The following KDM4C variants were observed in gnomAD, a reference collection of about 807,000 sequenced individuals.
KDM4C encodes lysine-specific demethylase 4C.
KDM4C carries 81 observed loss-of-function variants against 129.3 expected under a neutral mutation model. That is an observed-to-expected ratio of 0.63 (90% confidence interval 0.52 to 0.75). The LOEUF is 0.75. KDM4C is among the 30% of genes least tolerant of loss of function. The probability of loss-of-function intolerance (pLI) is 0.00; values close to 1 mark genes in which losing one functional copy is unlikely to be tolerated. For synonymous variants in KDM4C, 573 were observed against 456.1 expected (o/e 1.26, Z -3.26); for missense variants, 1,457 against 1,304.0 (o/e 1.12, Z -1.81).
Position 7,103,851 on chromosome 9 carries a change from A to G in KDM4C, c.2591A>G (p.His864Arg), listed in dbSNP as rs1341890911. ...PYVVNITCFRHKVNPNVKSKA... is the reference protein window; with the variant it reads ...PYVVNITCFRRKVNPNVKSKA... The stretch of plus-strand genomic sequence containing the variant: ...GTGGTGAACATTACATGCTTTCGAC[A>G]TAAGGTCAACCCCAACGTGGTAAGA... The change falls in exon 18 of 22, where the codon CAT becomes CGT. Residue 864 changes from histidine (H) to arginine (R), a missense_variant. Coordinates refer to ENST00000381309, the MANE Select transcript of KDM4C (RefSeq NM_015061.6). 6.2e-7 allele frequency: 1 copy of G among 1,613,950 alleles called. No individual in the cohort carries two copies. Among genetic ancestry groups the G allele is most frequent in the Non-Finnish European group, 8.5e-7 (1 of 1,179,890 alleles).
chr9:6,972,255 GTA>G (rs754692216), intron 8 of KDM4C, among the ~76,000 whole-genome samples: 8 of 150,876 alleles, frequency 5.3e-5, no homozygotes, highest in South Asian at 2.1e-4. Flanking sequence ...GTGTGTGTGT[GTA>G]TATATATATA....
intron 17 of KDM4C, among the ~76,000 whole-genome samples, chr9:7,096,581 A>G (rs577413284): frequency 2.0e-5 from 3 of 152,308 alleles, no homozygotes; most frequent in Admixed American, 2.0e-4. Flanking sequence ...GAAATACTAC[A>G]TATTCCCTAC....
chr9:6,980,869 G>C (rs1816650578), intron 8 of KDM4C, 56 bp from the exon 9 acceptor site: 8 of 1,470,614 alleles, frequency 5.4e-6, no homozygotes, highest in Non-Finnish European at 7.6e-6. Context: ...GACCAACTCT[G>C]TGTTACTGTA....
intron 8 of KDM4C, among the ~76,000 whole-genome samples, chr9:6,929,366 T>G (rs1823224506): frequency 6.6e-6 from 1 of 152,206 alleles, no homozygotes; most frequent in African/African-American, 2.4e-5. Context: ...CATTCCTCTT[T>G]TAATTGTGTT....
Position 6,760,440 on chromosome 9 carries a change from CTT to C in KDM4C, c.-18+2238_-18+2239del, listed in dbSNP as rs1226079184. On this transcript the variant is annotated intron_variant, in intron 1 of 21. Coordinates refer to ENST00000381309, the MANE Select transcript of KDM4C (RefSeq NM_015061.6). Reference sequence around the variant, plus strand: ...TGTGTGGACGCGTGTTTTCTCTACTCTTGGGTATATATATATATATATATAAT... The same window carrying C: ...TGTGTGGACGCGTGTTTTCTCTACTCGGGTATATATATATATATATATAAT... 8.9e-5 allele frequency among the ~76,000 whole-genome samples: 10 copies of C among 112,256 alleles called. No individual in the cohort carries two copies. In the Admixed American group the frequency reaches 9.0e-4, roughly 10 times the overall value. The allele number at this position is 112,256 out of a possible 152,430, so 73.6% of individuals were successfully genotyped here. A position where few individuals can be genotyped will look rare whatever the true frequency, so the allele number is the denominator to read the frequency against.
chr9:6,944,213 A>G (rs1236730364), intron 8 of KDM4C, among the ~76,000 whole-genome samples: 1 of 152,210 alleles, frequency 6.6e-6, no homozygotes, highest in Admixed American at 6.5e-5. Context: ...TATTGATTGA[A>G]CATCCTTGCA....
At chr9:7,025,108 T>TAC (rs1825589416) in intron 15 of KDM4C, among the ~76,000 whole-genome samples, 1 of 152,262 alleles carries the variant, frequency 6.6e-6, no homozygotes, top group African/African-American at 2.4e-5. Context: ...TATTATTATA[T>TAC]AGTGACCTTA....
At chr9:6,815,241 T>C (rs377444083) in intron 4 of KDM4C, 2 of 152,126 alleles carry the variant, frequency 1.3e-5, no homozygotes, top group African/African-American at 4.8e-5. Context: ...GCCATTTTAA[T>C]GGTGGCGTAA....
chr9:7,157,031 A>G (rs1176421764), intron 19 of KDM4C, among the ~76,000 whole-genome samples: 1 of 152,062 alleles, frequency 6.6e-6, no homozygotes, highest in Non-Finnish European at 1.5e-5. Flanking sequence ...TATTTTGTTG[A>G]GCAGTGGTTT....
intron 4 of KDM4C, chr9:6,835,445 C>T (rs1835709398): frequency 3.4e-6 from 4 of 1,193,080 alleles, no homozygotes; most frequent in African/African-American, 1.5e-5. Flanking sequence ...ATCATTGCTC[C>T]TCCTGAGCTC....
At chr9:6,799,695 A>G (rs1828559170) in intron 2 of KDM4C, among the ~76,000 whole-genome samples, 2 of 141,090 alleles carry the variant, frequency 1.4e-5, no homozygotes, top group Non-Finnish European at 3.1e-5. Flanking sequence ...TACACATAAT[A>G]TTAATTTTGA....
intron 17 of KDM4C, among the ~76,000 whole-genome samples, chr9:7,083,351 T>A (rs1314988499): frequency 6.6e-6 from 1 of 152,232 alleles, no homozygotes. Context: ...ATTTTGGACT[T>A]TGAACTTTTG....
chr9:7,079,997 C>G (rs561795605), intron 17 of KDM4C, among the ~76,000 whole-genome samples: 34 of 151,564 alleles, frequency 2.2e-4, no homozygotes, highest in African/African-American at 7.3e-4. Context: ...GGGCAAGTCT[C>G]AAAAGAGCAA....
chr9:6,891,776 C>G (rs1381574057), intron 7 of KDM4C, among the ~76,000 whole-genome samples: 2 of 152,198 alleles, frequency 1.3e-5, no homozygotes, highest in East Asian at 3.9e-4. Flanking sequence ...ATTACTGTTT[C>G]AGTCTCTTCT....
intron 1 of KDM4C, among the ~76,000 whole-genome samples, chr9:6,778,056 G>A (rs1466556981): frequency 2.0e-5 from 3 of 150,436 alleles, no homozygotes; most frequent in Admixed American, 6.6e-5. Flanking sequence ...GAGTGGCTGG[G>A]ACTACAGGCA....
intron 17 of KDM4C, among the ~76,000 whole-genome samples, chr9:7,058,457 C>T (rs1831177184): frequency 6.6e-6 from 1 of 152,186 alleles, no homozygotes; most frequent in Admixed American, 6.5e-5. Context: ...CAGTTTCAAA[C>T]TACCAATATA....
intron 17 of KDM4C, among the ~76,000 whole-genome samples, chr9:7,094,538 C>T (rs533480085): frequency 3.9e-5 from 6 of 152,144 alleles, no homozygotes; most frequent in African/African-American, 1.2e-4. Flanking sequence ...TTGTAGCAAC[C>T]ATCTGAGATA....
At chr9:6,786,608 G>A (rs144344926) in intron 1 of KDM4C, among the ~76,000 whole-genome samples, 67 of 152,256 alleles carry the variant, frequency 4.4e-4, no homozygotes, top group African/African-American at 1.5e-3. Context: ...CTGTGACTTG[G>A]AAACATTACT....
chr9:6,757,503 C>T (rs1292470040), upstream of KDM4C: 2 of 468,160 alleles, frequency 4.3e-6, no homozygotes, highest in Non-Finnish European at 5.6e-6. Context: ...TGGTCCCGGC[C>T]ACCGGGTGAA....
Sources: allele counts gnomAD v4.1 joint callset (sites outside exome capture counted in the v4.1 genomes callset), GRCh38; gene constraint gnomAD v4.1.1; transcripts MANE v1.5; gene names NCBI Gene and HGNC (gene_info 2026-07-23, HGNC 2026-07-21).